Variants in UGT1A8 observed in about 807,000 individuals in gnomAD.
The protein encoded by UGT1A8 is UDP glucuronosyltransferase family 1 member A8.
UGT1A8 carries 39 observed loss-of-function variants against 45.3 expected under a neutral mutation model. The ratio of observed to expected loss-of-function variants is 0.86; its 90% CI spans 0.67 to 1.12. UGT1A8 has a LOEUF of 1.12. Among genes scored for constraint, UGT1A8 ranks in the 50% most tolerant of loss-of-function variants. The pLI is 0.00. For synonymous variants in UGT1A8, 275 were observed against 249.2 expected (o/e 1.10, Z -0.97); for missense variants, 719 against 664.9 (o/e 1.08, Z -0.90).
chr2:233,661,623 T>TTTTCTTTCTTTCTTTCTTTCTTTC (rs55749169), intron 1 of UGT1A8, among the ~76,000 whole-genome samples: 1,341 of 124,010 alleles, frequency 0.011, 41 homozygotes, highest in African/African-American at 0.018. Context: ...ACTTACTGAA[T>TTTTCTTTCTTTCTTTCTTTCTTTC]TTTCTTTCTT....
rs28900383 is a variant in UGT1A8, at chr2:233,748,795, A to T, written c.856-18239A>T. Among the ~76,000 whole-genome samples the T allele has an allele frequency of 9.8e-3, 1,488 of 151,368 alleles. 50 individuals are homozygous for T. The highest frequency in any genetic ancestry group is 0.035 in the African/African-American group (1,419 of 40,884). ...ATTGGGTCTTCTACTTGGAATGCTGAAATTATCAAGAAATTGTGGAAGGGT... is the reference window on the plus strand; with the variant it reads ...ATTGGGTCTTCTACTTGGAATGCTGTAATTATCAAGAAATTGTGGAAGGGT... On this transcript the variant is annotated intron_variant, in intron 1 of 4. Transcript: ENST00000373450.
chr2:233,643,727 G>C (rs751397824), intron 1 of UGT1A8, among the ~76,000 whole-genome samples: 1 of 152,134 alleles, frequency 6.6e-6, no homozygotes, highest in Admixed American at 6.5e-5. Flanking sequence ...TTTCACTGCT[G>C]GTATTCAGGT....
Position 233,617,792 on chromosome 2 carries a change from CTGGTAGTG to C in UGT1A8, c.86_93del (p.Leu29ProfsTer23). 5 of 1,614,058 alleles carry C rather than the reference CTGGTAGTG, an allele frequency of 3.1e-6. No homozygotes were observed. The highest frequency in any genetic ancestry group is 4.2e-6 in the Non-Finnish European group (5 of 1,180,010). The stretch of plus-strand genomic sequence containing the variant: ...TGGCTTTGCTGAGGCAGGGAAGCTG[CTGGTAGTG>C]CCCATGGATGGGAGTCACTGGTTCA... On this transcript the variant is annotated frameshift_variant, in exon 1 of 5. Coordinates refer to ENST00000373450, the MANE Select transcript of UGT1A8 (RefSeq NM_019076.5). LOFTEE classifies it high-confidence loss of function.
intron 1 of UGT1A8, chr2:233,672,246 T>TATATATTCTCTATTAATGGGTTC (rs1331679800): frequency 8.2e-5 from 133 of 1,614,096 alleles, no homozygotes; most frequent in Non-Finnish European, 1.1e-4. Context: ...AAGTACGAAG[T>TATATATTCTCTATTAATGGGTTC]ATATATTCTC....
At chr2:233,729,624 G>A (rs563451648) in intron 1 of UGT1A8, 25 of 1,613,906 alleles carry the variant, frequency 1.5e-5, no homozygotes, top group African/African-American at 6.7e-5. Context: ...AGTACCTGTC[G>A]ATTCCTACTG....
chr2:233,672,620 A>G, intron 1 of UGT1A8: 2 of 1,613,934 alleles, frequency 1.2e-6, no homozygotes, highest in Non-Finnish European at 1.7e-6. Context: ...AATGCCCTAG[A>G]AATAGCCTCT....
intron 1 of UGT1A8, chr2:233,719,739 A>C (rs758565863): frequency 2.9e-5 from 46 of 1,613,226 alleles, no homozygotes; most frequent in Middle Eastern, 1.8e-4. Flanking sequence ...ACACTTTTTA[A>C]AAAATGTATT....
chr2:233,675,004 C>A (rs2074305019), intron 1 of UGT1A8, among the ~76,000 whole-genome samples: 2 of 152,142 alleles, frequency 1.3e-5, no homozygotes, highest in South Asian at 4.1e-4. Flanking sequence ...GAGAAGGAAG[C>A]ATTACTTGAT....
At chr2:233,764,546 TGGGA>T (rs1045982534) in intron 1 of UGT1A8, among the ~76,000 whole-genome samples, 5 of 152,234 alleles carry the variant, frequency 3.3e-5, no homozygotes, top group African/African-American at 1.2e-4. Context: ...AGTGGGCGTG[TGGGA>T]GGGTGTGCCT....
intron 3 of UGT1A8, 26 bp downstream of exon 3, chr2:233,767,962 G>A: frequency 5.0e-6 from 8 of 1,614,120 alleles, no homozygotes; most frequent in Non-Finnish European, 5.9e-6. Flanking sequence ...TGGATGTATA[G>A]GTCAAACCAG....
intron 1 of UGT1A8, chr2:233,729,857 C>T: frequency 6.2e-7 from 1 of 1,613,876 alleles, no homozygotes; most frequent in Non-Finnish European, 8.5e-7. Context: ...AGAGAGGTGT[C>T]AGTGGTGGAT....
In UGT1A8 at chr2:233,768,348, G is replaced by T; in HGVS notation, c.1204G>T (p.Glu402Ter). 1 of 1,614,198 alleles carries T rather than the reference G, an allele frequency of 6.2e-7. No homozygotes were observed. Among genetic ancestry groups the T allele is most frequent in the Non-Finnish European group, 8.5e-7 (1 of 1,180,042 alleles). The change falls in exon 4 of 5, where the codon GAG becomes TAG. Residue 402 changes from glutamate to a stop codon, truncating the protein, a stop_gained. Coordinates refer to ENST00000373450, the MANE Select transcript of UGT1A8 (RefSeq NM_019076.5). LOFTEE classifies it high-confidence loss of function. The part of the protein sequence containing the change: ...GDQMDNAKRM[E>*]TKGAGVTLNV... ...TCAGATGGACAATGCAAAGCGCATG[G>T]AGACTAAGGGAGCTGGAGTGACCCT...
chr2:233,678,957 G>A (rs921540326), intron 1 of UGT1A8, among the ~76,000 whole-genome samples: 11 of 152,194 alleles, frequency 7.2e-5, no homozygotes, highest in Admixed American at 5.2e-4. Context: ...GAAATGTACT[G>A]TTTGGGGCTT....
At chr2:233,712,888 T>C in intron 1 of UGT1A8, 6 of 1,603,412 alleles carry the variant, frequency 3.7e-6, no homozygotes, top group Non-Finnish European at 5.1e-6. Flanking sequence ...CAATTACATG[T>C]TGATTTGCTA....
intron 1 of UGT1A8, among the ~76,000 whole-genome samples, chr2:233,628,909 G>A (rs2073139537): frequency 6.6e-6 from 1 of 151,990 alleles, no homozygotes. Context: ...TATATGGTAT[G>A]TTACTTTAAT....
At chr2:233,658,771 C>G (rs971264563) in intron 1 of UGT1A8, among the ~76,000 whole-genome samples, 9 of 152,172 alleles carry the variant, frequency 5.9e-5, no homozygotes, top group Non-Finnish European at 8.8e-5. Context: ...TTTGTAAAAA[C>G]TTGGTTGTTC....
At chr2:233,680,135 A>C (rs1380907590) in intron 1 of UGT1A8, among the ~76,000 whole-genome samples, 1 of 152,120 alleles carries the variant, frequency 6.6e-6, no homozygotes, top group East Asian at 1.9e-4. Flanking sequence ...CTATCAAGTA[A>C]TTCAAGTTTT....
rs1249954264 is a variant in UGT1A8 at position 233,682,687 on chromosome 2, T to C, written c.855+64125T>C. On this transcript the variant is annotated intron_variant, in intron 1 of 4. Coordinates refer to ENST00000373450, the MANE Select transcript of UGT1A8 (RefSeq NM_019076.5). ...ATGATCTCTACAGCCACACATCAATTTGGTTGTTGCGAACTGACTTTGTTT... is the reference window on the plus strand; with the variant it reads ...ATGATCTCTACAGCCACACATCAATCTGGTTGTTGCGAACTGACTTTGTTT... 2.5e-6 allele frequency: 4 copies of C among 1,613,824 alleles called. No individual in the cohort carries two copies. In the South Asian group the frequency reaches 4.4e-5, roughly 18 times the overall value.
At chr2:233,750,052 T>C (rs1170416516) in intron 1 of UGT1A8, among the ~76,000 whole-genome samples, 1 of 151,744 alleles carries the variant, frequency 6.6e-6, no homozygotes, top group Non-Finnish European at 1.5e-5. Context: ...AATGTGGAAG[T>C]GACTTTGGAA....
Sources: allele counts gnomAD v4.1 joint callset (sites outside exome capture counted in the v4.1 genomes callset), GRCh38; gene constraint gnomAD v4.1.1; transcripts MANE v1.5; gene names NCBI Gene and HGNC (gene_info 2026-07-23, HGNC 2026-07-21).